Variants in SATB2 observed in about 807,000 individuals in gnomAD.
SATB2 encodes the protein DNA-binding protein SATB2.
Under a neutral mutation model 73.4 loss-of-function variants are expected in SATB2, and 1 was observed. That is an observed-to-expected ratio of 0.01 (90% CI 0.00 to 0.06). SATB2 has a LOEUF of 0.06. SATB2 is among the 10% of genes least tolerant of loss of function. The probability of loss-of-function intolerance (pLI) is 1.00; values close to 1 mark genes in which losing one functional copy is unlikely to be tolerated. For synonymous variants in SATB2, 397 were observed against 367.0 expected (o/e 1.08, Z -0.93); for missense variants, 459 against 945.8 (o/e 0.49, Z 6.75).
At chr2:199,456,813 A>C (rs1041944757) in intron 1 of SATB2, among the ~76,000 whole-genome samples, 4 of 152,194 alleles carry the variant, frequency 2.6e-5, no homozygotes, top group African/African-American at 9.7e-5. Flanking sequence ...AAGCTCTTCA[A>C]TATAAAACAC....
intron 6 of SATB2, 88 bp from the exon 7 acceptor site, chr2:199,349,261 T>C: frequency 1.9e-6 from 2 of 1,055,748 alleles, no homozygotes; most frequent in Non-Finnish European, 2.9e-6. Flanking sequence ...ATCATACTTT[T>C]GGCATGTTAA....
intron 10 of SATB2, among the ~76,000 whole-genome samples, chr2:199,290,171 T>C (rs1428645144): frequency 2.0e-5 from 3 of 152,244 alleles, no homozygotes; most frequent in African/African-American, 7.2e-5. Flanking sequence ...CCTCTGATGA[T>C]GAATCTGTAA....
upstream of SATB2, among the ~76,000 whole-genome samples, chr2:199,466,115 A>T (rs1692587453): frequency 6.6e-6 from 1 of 152,152 alleles, no homozygotes. Flanking sequence ...CTGCCAGGTA[A>T]CTTCCGGAGA....
At chr2:199,408,073 G>A (rs1690691137) in intron 3 of SATB2, among the ~76,000 whole-genome samples, 1 of 152,170 alleles carries the variant, frequency 6.6e-6, no homozygotes, top group South Asian at 2.1e-4. Flanking sequence ...TCCATAGTTT[G>A]TGCCTTGTTG....
At chr2:199,286,577 A>AGATACCAT (rs766656411) in intron 10 of SATB2, among the ~76,000 whole-genome samples, 71 of 152,232 alleles carry the variant, frequency 4.7e-4, no homozygotes, top group Non-Finnish European at 7.9e-4. Flanking sequence ...TATGCCTGGG[A>AGATACCAT]GATACCATCC....
At chr2:199,309,065 G>T in intron 9 of SATB2, 108 bp from the exon 10 acceptor site, 1 of 962,216 alleles carries the variant, frequency 1.0e-6, no homozygotes, top group Non-Finnish European at 1.6e-6. Flanking sequence ...TGTCAAAATT[G>T]TTCCTGCCAA....
intron 2 of SATB2, among the ~76,000 whole-genome samples, chr2:199,448,579 T>C (rs903596891): frequency 6.6e-6 from 1 of 152,206 alleles, no homozygotes; most frequent in Non-Finnish European, 1.5e-5. Context: ...CTCTGTCAGA[T>C]CTTAGCACTT....
chr2:199,390,228 GA>G (rs952117485), intron 3 of SATB2, among the ~76,000 whole-genome samples: 1 of 151,680 alleles, frequency 6.6e-6, no homozygotes, highest in African/African-American at 2.4e-5. Flanking sequence ...GTCAGGATAT[GA>G]AAAAAAATGT....
chr2:199,424,985 A>G (rs1345172645), intron 3 of SATB2, among the ~76,000 whole-genome samples: 8 of 152,226 alleles, frequency 5.3e-5, no homozygotes, highest in Admixed American at 1.3e-4. Flanking sequence ...TCTGTACTAC[A>G]TCTTCTTAAA....
At chr2:199,399,068 C>T (rs1320794104) in intron 3 of SATB2, among the ~76,000 whole-genome samples, 1 of 152,074 alleles carries the variant, frequency 6.6e-6, no homozygotes, top group Non-Finnish European at 1.5e-5. Context: ...CTCACAAGGT[C>T]AAGACCAGCC....
At position 199,400,872 on chromosome 2, in the gene SATB2, C is replaced by G. The variant is rs140969986; in HGVS notation, c.347-19052G>C. ...TGCTGCTTAAGTCTGTCTTAAATAC[C>G]TGAGAAATCTCCAATTGATTATTTA... On this transcript the variant is annotated intron_variant, in intron 3 of 10. Coordinates refer to ENST00000417098, the MANE Select transcript of SATB2 (RefSeq NM_001172509.2). Among the ~76,000 whole-genome samples the G allele has an allele frequency of 5.3e-5, 8 of 152,232 alleles. No individual in the cohort carries two copies. In the East Asian group the frequency reaches 1.5e-3, roughly 29 times the overall value.
At chr2:199,394,019 G>A (rs865915727) in intron 3 of SATB2, among the ~76,000 whole-genome samples, 1 of 152,006 alleles carries the variant, frequency 6.6e-6, no homozygotes, top group African/African-American at 2.4e-5. Flanking sequence ...AAATATAATT[G>A]TATTCATTAG....
At chr2:199,321,934 A>G (rs1687903842) in intron 9 of SATB2, among the ~76,000 whole-genome samples, 1 of 152,142 alleles carries the variant, frequency 6.6e-6, no homozygotes, top group Admixed American at 6.6e-5. Context: ...TACCTTCAGC[A>G]TATTAATTCC....
chr2:199,417,034 T>TCACACA (rs1448560964), intron 3 of SATB2, among the ~76,000 whole-genome samples: 101 of 71,012 alleles, frequency 1.4e-3, no homozygotes, highest in African/African-American at 4.5e-3. Flanking sequence ...AGACTCCGTC[T>TCACACA]CTCACACACA....
At chr2:199,339,284 C>T (rs1259047731) in intron 7 of SATB2, among the ~76,000 whole-genome samples, 2 of 152,094 alleles carry the variant, frequency 1.3e-5, no homozygotes, top group South Asian at 2.1e-4. Flanking sequence ...TACAGGGCTA[C>T]CCTCAAGCAA....
chr2:199,398,690 A>T (rs981057747), intron 3 of SATB2, among the ~76,000 whole-genome samples: 15 of 152,342 alleles, frequency 9.8e-5, no homozygotes, highest in Non-Finnish European at 1.5e-4. Context: ...GTTCTCTATA[A>T]GTTTTAAACA....
At chr2:199,469,537 T>TGGTGGG (rs1217532888), upstream of SATB2, 1 of 68,142 alleles carries the variant, frequency 1.5e-5, no homozygotes, top group Non-Finnish European at 2.9e-5. Context: ...AGAAAAGTGG[T>TGGTGGG]GGTGGGGGTG....
upstream of SATB2, among the ~76,000 whole-genome samples, chr2:199,466,510 A>G (rs1188229985): frequency 6.6e-6 from 1 of 152,222 alleles, no homozygotes; most frequent in Non-Finnish European, 1.5e-5. Context: ...ACTGTCTCTC[A>G]GTATCAGGAA....
intron 5 of SATB2, among the ~76,000 whole-genome samples, chr2:199,375,338 G>T (rs940586418): frequency 1.3e-5 from 2 of 152,164 alleles, no homozygotes; most frequent in Non-Finnish European, 2.9e-5. Flanking sequence ...CAGAGGAAAA[G>T]GAAGAGGTGC....
Sources: gnomAD v4.1 joint callset for allele counts (sites outside exome capture counted in the v4.1 genomes callset) on GRCh38, gnomAD v4.1.1 for gene constraint, MANE v1.5 for transcripts, NCBI Gene and HGNC (gene_info 2026-07-23, HGNC 2026-07-21) for gene names.